The following PLEKHG1 variants were observed in gnomAD, a reference collection of about 807,000 sequenced individuals.
PLEKHG1 encodes pleckstrin homology domain-containing family G member 1.
In PLEKHG1, 44 loss-of-function variants were observed where a neutral mutation model predicts 100.8. The observed-to-expected ratio is 0.44, with a 90% CI of 0.34 to 0.56. PLEKHG1 has a LOEUF of 0.56. PLEKHG1 is among the 20% of genes least tolerant of loss of function. The probability of loss-of-function intolerance (pLI) is 0.01; values close to 1 mark genes in which losing one functional copy is unlikely to be tolerated. For synonymous variants in PLEKHG1, 640 were observed against 662.5 expected (o/e 0.97, Z 0.52); for missense variants, 1,545 against 1,720.9 (o/e 0.90, Z 1.81).
At chr6:150,611,225 G>C (rs1227223489) in intron 1 of PLEKHG1, among the ~76,000 whole-genome samples, 5 of 152,182 alleles carry the variant, frequency 3.3e-5, no homozygotes, top group Non-Finnish European at 7.3e-5. Context: ...TAATTGTGTG[G>C]GTTCTGAATG....
chr6:150,707,426 T>C (rs1405125408), intron 3 of PLEKHG1, among the ~76,000 whole-genome samples: 1 of 152,128 alleles, frequency 6.6e-6, no homozygotes, highest in Non-Finnish European at 1.5e-5. Flanking sequence ...TGTGCCCACG[T>C]GTATAATCCA....
At chr6:150,729,064 A>T (rs1249132944) in intron 1 of PLEKHG1, among the ~76,000 whole-genome samples, 1 of 152,170 alleles carries the variant, frequency 6.6e-6, no homozygotes, top group Non-Finnish European at 1.5e-5. Flanking sequence ...TGTATCTTAC[A>T]TCTCAATTCA....
chr6:150,771,731 A>G (rs1366848350), intron 3 of PLEKHG1, among the ~76,000 whole-genome samples: 3 of 151,990 alleles, frequency 2.0e-5, no homozygotes, highest in Admixed American at 1.3e-4. Flanking sequence ...TTCAGCTCCT[A>G]TTAGTTCAGG....
At chr6:150,614,730 G>A (rs145180448) in intron 1 of PLEKHG1, among the ~76,000 whole-genome samples, 44 of 152,194 alleles carry the variant, frequency 2.9e-4, no homozygotes, top group African/African-American at 9.4e-4. Context: ...TTGACTCTGC[G>A]GCATTCTTCA....
chr6:150,640,218 T>C (rs1778195580), intron 2 of PLEKHG1, among the ~76,000 whole-genome samples: 1 of 152,262 alleles, frequency 6.6e-6, no homozygotes, highest in South Asian at 2.1e-4. Flanking sequence ...TCTATTTTTT[T>C]TCTAGTCAGC....
At position 150,611,811 on chromosome 6, in the gene PLEKHG1, C is replaced by CAAAA. The variant is rs35351890; in HGVS notation, c.-204+11807_-204+11810dup. 1.6e-4 allele frequency among the ~76,000 whole-genome samples: 19 copies of CAAAA among 121,596 alleles called. 1 individual carries two copies. Among genetic ancestry groups the CAAAA allele is most frequent in the South Asian group, 5.3e-4 (2 of 3,796 alleles). The allele number at this position is 121,596 out of a possible 152,430, so 79.8% of individuals were successfully genotyped here. On this transcript the variant is annotated intron_variant, in intron 1 of 3. Transcript: ENST00000367326. Reference sequence around the variant, plus strand: ...TGGGTGACAGAGTGAGACTCCATCTCAAAAAAAAAAAAAAAAGAAAGAAAA... The same window carrying CAAAA: ...TGGGTGACAGAGTGAGACTCCATCTCAAAAAAAAAAAAAAAAAAAAGAAAGAAAA...
chr6:150,698,766 A>G (rs1442978282), intron 3 of PLEKHG1, among the ~76,000 whole-genome samples: 1 of 152,196 alleles, frequency 6.6e-6, no homozygotes, highest in Non-Finnish European at 1.5e-5. Context: ...TGTGTATTTT[A>G]AATTTCCAGT....
chr6:150,783,192 A>G (rs1785422778), intron 3 of PLEKHG1, among the ~76,000 whole-genome samples: 1 of 151,496 alleles, frequency 6.6e-6, no homozygotes, highest in South Asian at 2.1e-4. Context: ...AAAAAGGGAA[A>G]TAAAGGGGAG....
intron 1 of PLEKHG1, among the ~76,000 whole-genome samples, chr6:150,620,459 C>T (rs1350734865): frequency 6.6e-6 from 1 of 152,198 alleles, no homozygotes; most frequent in Non-Finnish European, 1.5e-5. Flanking sequence ...CCCCCAGACC[C>T]CTTCAGTATT....
chr6:150,800,908 G>C (rs1285936835), intron 6 of PLEKHG1, 39 bp downstream of exon 7: 1 of 1,569,886 alleles, frequency 6.4e-7, no homozygotes, highest in East Asian at 2.2e-5. Context: ...CCAGGGGATG[G>C]GAGTTTTGTG....
In PLEKHG1 at chr6:150,840,090, A is replaced by C. The variant is rs754742063; in HGVS notation, c.3352A>C (p.Ser1118Arg). Residue 1118 changes from serine (S) to arginine (R), a missense_variant, in exon 16 of 16, where the codon AGT becomes CGT. Ser to Arg is a moderately radical substitution (Grantham distance 110, BLOSUM62 -1). Transcript: ENST00000358517. Reference sequence around the variant, plus strand: ...TCCCACGTTTGAGATCAATACAAAAAGTACTCCCAGGCAATTGTCCGCAGC... The same window carrying C: ...TCCCACGTTTGAGATCAATACAAAACGTACTCCCAGGCAATTGTCCGCAGC... 9 of 1,614,246 alleles carry C rather than the reference A, an allele frequency of 5.6e-6. No individual in the cohort carries two copies. The South Asian group carries it at 9.9e-5, about 18-fold the overall frequency.
intron 1 of PLEKHG1, chr6:150,624,781 A>G (rs959711050): frequency 6.6e-6 from 1 of 152,192 alleles, no homozygotes; most frequent in African/African-American, 2.4e-5. Context: ...GAAATAAGGA[A>G]TTCACTTCAA....
intron 3 of PLEKHG1, among the ~76,000 whole-genome samples, chr6:150,778,218 C>T (rs1785102323): frequency 6.6e-6 from 1 of 152,124 alleles, no homozygotes; most frequent in Non-Finnish European, 1.5e-5. Context: ...TCCTCCGCCT[C>T]CCAGGTTTAA....
At chr6:150,801,988 A>G (rs1430416068) in intron 6 of PLEKHG1, among the ~76,000 whole-genome samples, 2 of 152,152 alleles carry the variant, frequency 1.3e-5, no homozygotes, top group African/African-American at 4.8e-5. Flanking sequence ...TATTTTTATG[A>G]TACATTAAAA....
intron 3 of PLEKHG1, chr6:150,684,021 T>C: frequency 2.9e-6 from 1 of 343,174 alleles, no homozygotes; most frequent in East Asian, 7.9e-5. Context: ...GTCCCTGGCC[T>C]CTGGGACTGT....
In PLEKHG1 at chr6:150,794,765, G is replaced by A. The variant is rs145050799; in HGVS notation, c.583-1091G>A. 2.8e-3 allele frequency among the ~76,000 whole-genome samples: 419 copies of A among 152,190 alleles called. 4 individuals are homozygous for A. Among genetic ancestry groups the A allele is most frequent in the African/African-American group, 9.1e-3 (377 of 41,540 alleles). ...CAGAATGATGGGGAAGCAGGGGAAT[G>A]GGGGGTGGGGCAGAGACGAGGAGTT... On this transcript the variant is annotated intron_variant, in intron 4 of 15. Coordinates refer to ENST00000358517, the Ensembl canonical transcript of PLEKHG1.
intron 3 of PLEKHG1, chr6:150,664,498 T>A (rs983285484): frequency 4.1e-4 from 63 of 152,238 alleles, no homozygotes; most frequent in African/African-American, 1.4e-3. Flanking sequence ...CTTCATTGTG[T>A]TATTCTTTTT....
intron 3 of PLEKHG1, among the ~76,000 whole-genome samples, chr6:150,677,786 C>T (rs559009692): frequency 2.5e-3 from 382 of 151,820 alleles, no homozygotes; most frequent in South Asian, 4.2e-3. Flanking sequence ...TTGAGGAGGG[C>T]GGGTCACTTG....
At chr6:150,720,267 A>G (rs1024034054), upstream of PLEKHG1, among the ~76,000 whole-genome samples, 3 of 152,228 alleles carry the variant, frequency 2.0e-5, no homozygotes, top group Non-Finnish European at 4.4e-5. Context: ...GAATCTTTCT[A>G]TAAAAATAGA....
Sources: gnomAD v4.1 joint callset for allele counts (sites outside exome capture counted in the v4.1 genomes callset) on GRCh38, gnomAD v4.1.1 for gene constraint, MANE v1.5 for transcripts, NCBI Gene and HGNC (gene_info 2026-07-23, HGNC 2026-07-21) for gene names.